The following GRXCR1 variants were observed in gnomAD, a reference collection of about 807,000 sequenced individuals.
GRXCR1 encodes the protein glutaredoxin and cysteine rich domain containing 1.
Under a neutral mutation model 27.3 loss-of-function variants are expected in GRXCR1, and 27 were observed. That is an observed-to-expected ratio of 0.99 (90% CI 0.73 to 1.37). The LOEUF (loss-of-function observed/expected upper bound fraction) is 1.37. Ranked by LOEUF, GRXCR1 falls within the 40% of genes most tolerant of loss-of-function variation. The pLI is 0.00. For missense variants in GRXCR1, 379 were observed against 354.4 expected, an observed-to-expected ratio of 1.07 and a Z score of -0.56; for synonymous variants, 122 against 131.1, an observed-to-expected ratio of 0.93 and a Z score of 0.47.
intron 2 of GRXCR1, among the ~76,000 whole-genome samples, chr4:42,966,850 G>C (rs1748248910): frequency 6.6e-6 from 1 of 151,940 alleles, no homozygotes; most frequent in African/African-American, 2.4e-5. Context: ...TATTTGGTTA[G>C]GTGTCTGTTA....
Position 43,020,359 on chromosome 4 carries a change from T to C in GRXCR1, c.633T>C (p.Ala211=). The change falls in exon 3 of 4, where the codon GCT becomes GCC. Residue 211 remains alanine (A), a synonymous_variant. Transcript: ENST00000399770. ...CTACTCTCTCTCGTTAATAGGGTGC[T>C]GAGAAAATTTTGTCAATGAATGAAT... The part of the protein sequence containing the change: ...VFIDGHYLGG[A]EKILSMNESG... 1.2e-6 allele frequency: 2 copies of C among 1,606,786 alleles called. No homozygotes were observed. Among genetic ancestry groups the C allele is most frequent in the Non-Finnish European group, 1.7e-6 (2 of 1,173,418 alleles).
chr4:42,969,697 G>A (rs1446889321), intron 2 of GRXCR1, among the ~76,000 whole-genome samples: 2 of 151,962 alleles, frequency 1.3e-5, no homozygotes, highest in Non-Finnish European at 2.9e-5. Flanking sequence ...TCCCTCCCTG[G>A]CACACAGGCA....
intron 2 of GRXCR1, among the ~76,000 whole-genome samples, chr4:42,983,838 C>CT (rs201795629): frequency 0.012 from 1,683 of 135,904 alleles, 14 homozygotes; most frequent in African/African-American, 0.018. Flanking sequence ...GATTTTCTTT[C>CT]TTTTTTTTTT....
chr4:42,933,951 C>T (rs1360559605), intron 1 of GRXCR1, among the ~76,000 whole-genome samples: 1 of 151,828 alleles, frequency 6.6e-6, no homozygotes, highest in East Asian at 1.9e-4. Flanking sequence ...CACTCCACCT[C>T]CTTCCCCCAA....
chr4:42,958,126 C>T (rs1748049400), intron 1 of GRXCR1, among the ~76,000 whole-genome samples: 1 of 151,844 alleles, frequency 6.6e-6, no homozygotes, highest in East Asian at 1.9e-4. Flanking sequence ...GTCACTGTAC[C>T]CATATGTGCA....
intron 2 of GRXCR1, among the ~76,000 whole-genome samples, chr4:42,972,521 C>T (rs1237858493): frequency 1.3e-5 from 2 of 152,062 alleles, no homozygotes; most frequent in Non-Finnish European, 2.9e-5. Flanking sequence ...CTCCTCTGTC[C>T]CTTTTTCCTG....
At chr4:42,924,278 C>T (rs903215901) in intron 1 of GRXCR1, among the ~76,000 whole-genome samples, 1 of 151,962 alleles carries the variant, frequency 6.6e-6, no homozygotes, top group Non-Finnish European at 1.5e-5. Context: ...TGAAACAATG[C>T]TTGGATTGTA....
chr4:43,029,998 A>G (rs1360425264), intron 3 of GRXCR1, among the ~76,000 whole-genome samples: 1 of 152,218 alleles, frequency 6.6e-6, no homozygotes, highest in Non-Finnish European at 1.5e-5. Flanking sequence ...AAATGATACT[A>G]ATGGGAAAGT....
intron 2 of GRXCR1, among the ~76,000 whole-genome samples, chr4:43,014,803 C>G (rs556863133): frequency 4.5e-4 from 68 of 152,178 alleles, no homozygotes; most frequent in African/African-American, 1.6e-3. Flanking sequence ...GTGTTTACTC[C>G]AAAAACTGAA....
chr4:42,934,155 C>T (rs1168150791), intron 1 of GRXCR1, among the ~76,000 whole-genome samples: 1 of 151,602 alleles, frequency 6.6e-6, no homozygotes, highest in Non-Finnish European at 1.5e-5. Context: ...TCATAGAACA[C>T]AGGTAGAGAC....
chr4:42,961,658 A>G (rs1299031588), intron 1 of GRXCR1, among the ~76,000 whole-genome samples: 2 of 151,964 alleles, frequency 1.3e-5, no homozygotes, highest in Non-Finnish European at 2.9e-5. Context: ...TCTACACTCT[A>G]TTGTGGAAAG....
intron 2 of GRXCR1, among the ~76,000 whole-genome samples, chr4:42,994,401 GATTGGTGAAA>G (rs1030469863): frequency 6.6e-6 from 1 of 152,118 alleles, no homozygotes; most frequent in African/African-American, 2.4e-5. Flanking sequence ...CTTTTATGCA[GATTGGTGAAA>G]ATTGCCAGAA....
At chr4:43,029,091 G>C (rs996258112) in intron 3 of GRXCR1, among the ~76,000 whole-genome samples, 1 of 152,076 alleles carries the variant, frequency 6.6e-6, no homozygotes, top group Non-Finnish European at 1.5e-5. Flanking sequence ...GTATCAATTA[G>C]ATCCTAATGT....
chr4:43,005,362 CTGACATTTTTT>C (rs1432415839), intron 2 of GRXCR1, among the ~76,000 whole-genome samples: 1 of 152,158 alleles, frequency 6.6e-6, no homozygotes, highest in African/African-American at 2.4e-5. Flanking sequence ...AGTTTAGTTT[CTGACATTTTTT>C]AGTTGCAAAT....
At chr4:42,955,076 C>T (rs943925488) in intron 1 of GRXCR1, among the ~76,000 whole-genome samples, 3 of 152,028 alleles carry the variant, frequency 2.0e-5, no homozygotes, top group Non-Finnish European at 2.9e-5. Flanking sequence ...TGCTTCCAGC[C>T]GCATGTGCCT....
At chr4:43,014,352 T>C (rs1712865086) in intron 2 of GRXCR1, among the ~76,000 whole-genome samples, 1 of 151,962 alleles carries the variant, frequency 6.6e-6, no homozygotes, top group African/African-American at 2.4e-5. Flanking sequence ...CCAAGCAGAG[T>C]TGATGAAACC....
At chr4:42,914,188 A>G (rs1021622861) in intron 1 of GRXCR1, among the ~76,000 whole-genome samples, 2 of 152,202 alleles carry the variant, frequency 1.3e-5, no homozygotes, top group African/African-American at 4.8e-5. Context: ...TCCAATCCCT[A>G]GAGTGATAGA....
In GRXCR1 at chr4:42,915,929, C is replaced by T. The variant is rs375495127; in HGVS notation, c.384+22279C>T. Among the ~76,000 whole-genome samples the T allele has an allele frequency of 4.0e-5, 6 of 151,838 alleles. No homozygotes were observed. The East Asian group carries it at 1.2e-3, about 29-fold the overall frequency. On this transcript the variant is annotated intron_variant, in intron 1 of 3. Coordinates refer to ENST00000399770, the MANE Select transcript of GRXCR1 (RefSeq NM_001080476.3). Reference sequence around the variant, plus strand: ...GGTACTTGGAACTTTGGGTTGGAGGCACATCTAAACTTAGAGTTACAATGC... The same window carrying T: ...GGTACTTGGAACTTTGGGTTGGAGGTACATCTAAACTTAGAGTTACAATGC...
At chr4:42,938,455 G>A (rs1333729172) in intron 1 of GRXCR1, among the ~76,000 whole-genome samples, 1 of 151,880 alleles carries the variant, frequency 6.6e-6, no homozygotes, top group Non-Finnish European at 1.5e-5. Context: ...CTAGCACTGA[G>A]ATTGCTGCAT....
Sources: allele counts gnomAD v4.1 joint callset (sites outside exome capture counted in the v4.1 genomes callset), GRCh38; gene constraint gnomAD v4.1.1; transcripts MANE v1.5; gene names NCBI Gene and HGNC (gene_info 2026-07-23, HGNC 2026-07-21).